Variants in FGGY observed in about 807,000 individuals in gnomAD.
FGGY encodes FGGY carbohydrate kinase domain-containing protein.
A neutral mutation model predicts 71.3 loss-of-function variants in FGGY; 72 were observed. That is an observed-to-expected ratio of 1.01 (90% confidence interval 0.84 to 1.23). The LOEUF is 1.23. Ranked by LOEUF, FGGY falls within the 50% of genes most tolerant of loss-of-function variation. The pLI, the probability that FGGY is intolerant of heterozygous loss-of-function variation, is 0.00. For missense variants in FGGY, 668 were observed against 682.3 expected, an observed-to-expected ratio of 0.98 and a Z score of 0.23; for synonymous variants, 251 against 250.3, an observed-to-expected ratio of 1.00 and a Z score of -0.02.
chr1:59,544,273 T>G (rs2095488659), intron 7 of FGGY, among the ~76,000 whole-genome samples: 1 of 152,206 alleles, frequency 6.6e-6, no homozygotes, highest in Non-Finnish European at 1.5e-5. Flanking sequence ...TTAGGCTTGA[T>G]GAAGAGTAGA....
chr1:59,553,279 T>A (rs2095637141), intron 7 of FGGY, among the ~76,000 whole-genome samples: 1 of 152,232 alleles, frequency 6.6e-6, no homozygotes, highest in African/African-American at 2.4e-5. Flanking sequence ...CAAGTCTGCG[T>A]GTTTGTGGCT....
intron 2 of FGGY, among the ~76,000 whole-genome samples, chr1:59,330,300 G>T (rs951884074): frequency 1.3e-5 from 2 of 152,126 alleles, no homozygotes; most frequent in African/African-American, 4.8e-5. Context: ...TAAAAAAAAT[G>T]AAGGGTCAAA....
intron 6 of FGGY, among the ~76,000 whole-genome samples, chr1:59,473,094 C>T (rs1046088190): frequency 8.5e-5 from 13 of 152,150 alleles, no homozygotes; most frequent in Non-Finnish European, 1.9e-4. Context: ...ACTCGGGTCC[C>T]CTTCCACACT....
At chr1:59,689,342 C>T (rs749493736) in intron 14 of FGGY, among the ~76,000 whole-genome samples, 10 of 152,114 alleles carry the variant, frequency 6.6e-5, no homozygotes, top group South Asian at 4.2e-4. Flanking sequence ...ACAGACAGAA[C>T]GGAGATCAAC....
At chr1:59,534,581 G>A (rs1570822829) in intron 7 of FGGY, among the ~76,000 whole-genome samples, 1 of 152,184 alleles carries the variant, frequency 6.6e-6, no homozygotes, top group Non-Finnish European at 1.5e-5. Context: ...CAGCCAGAGA[G>A]AAAGGTAGGG....
rs2096637964 is a variant in FGGY, at chr1:59,607,836, TG to T, written c.942del (p.Pro315LeufsTer12). ...AGACCCGATTTTTGTACCAGGCGTCTGGGGGCCTTATTTCTCAGCCATGGTA... is the reference window on the plus strand; with the variant it reads ...AGACCCGATTTTTGTACCAGGCGTCTGGGGCCTTATTTCTCAGCCATGGTA... ...SKDPIFVPGVWGPYFSAMVPG... is the reference protein window; with the variant it reads ...SKDPIFVPGVXGPYFSAMVPG... On this transcript the variant is annotated frameshift_variant, in exon 9 of 16. Coordinates refer to ENST00000303721, the MANE Select transcript of FGGY (RefSeq NM_018291.5). LOFTEE classifies it high-confidence loss of function. The T allele has an allele frequency of 6.2e-7, 1 of 1,614,102 alleles. No homozygotes were observed. Among genetic ancestry groups the T allele is most frequent in the Non-Finnish European group, 8.5e-7 (1 of 1,179,982 alleles).
At chr1:59,576,661 G>T (rs1208645030) in intron 8 of FGGY, among the ~76,000 whole-genome samples, 12 of 134,748 alleles carry the variant, frequency 8.9e-5, no homozygotes, top group African/African-American at 2.5e-4. Flanking sequence ...ATTACAGACA[G>T]ACAGACAGAC....
intron 4 of FGGY, among the ~76,000 whole-genome samples, chr1:59,357,440 A>G (rs988566011): frequency 2.0e-5 from 3 of 152,186 alleles, no homozygotes; most frequent in African/African-American, 7.2e-5. Context: ...AAATATTACT[A>G]CTTCTCACAT....
intron 5 of FGGY, among the ~76,000 whole-genome samples, chr1:59,418,264 T>G (rs566072936): frequency 6.6e-6 from 1 of 152,224 alleles, no homozygotes; most frequent in South Asian, 2.1e-4. Context: ...TAGTAAATAT[T>G]TTGGCTTTGC....
chr1:59,460,106 C>T (rs748090801), intron 6 of FGGY, among the ~76,000 whole-genome samples: 14 of 152,024 alleles, frequency 9.2e-5, no homozygotes, highest in East Asian at 1.9e-4. Flanking sequence ...TTCCTCGACC[C>T]GGGAAGCACA....
chr1:59,477,213 A>G (rs1463761763), intron 6 of FGGY, among the ~76,000 whole-genome samples: 1 of 152,166 alleles, frequency 6.6e-6, no homozygotes, highest in East Asian at 1.9e-4. Context: ...TCTTGGTCAC[A>G]CAGCTATCAG....
chr1:59,344,299 T>TG (rs1557615354), intron 3 of FGGY, among the ~76,000 whole-genome samples: 1 of 150,068 alleles, frequency 6.7e-6, no homozygotes, highest in Non-Finnish European at 1.5e-5. Context: ...ATTGGCTTTT[T>TG]TTGTTGTTTT....
chr1:59,315,056 C>T (rs1325429658), intron 1 of FGGY, among the ~76,000 whole-genome samples: 1 of 152,116 alleles, frequency 6.6e-6, no homozygotes, highest in African/African-American at 2.4e-5. Context: ...TGAGGTCTCT[C>T]CAGTTGGTGA....
intron 9 of FGGY, among the ~76,000 whole-genome samples, chr1:59,612,261 C>T (rs2096692505): frequency 6.6e-6 from 1 of 152,174 alleles, no homozygotes; most frequent in African/African-American, 2.4e-5. Flanking sequence ...GTTGGGTTAC[C>T]CACAAAAGGA....
At chr1:59,693,836 G>A (rs531172208) in intron 14 of FGGY, among the ~76,000 whole-genome samples, 1 of 152,054 alleles carries the variant, frequency 6.6e-6, no homozygotes, top group Non-Finnish European at 1.5e-5. Context: ...GTGAAAACCT[G>A]TCACTACAAA....
intron 14 of FGGY, among the ~76,000 whole-genome samples, chr1:59,756,794 A>AAATCAGTC (rs1336301444): frequency 3.3e-5 from 5 of 152,178 alleles, no homozygotes; most frequent in African/African-American, 1.2e-4. Context: ...AGTGGCATGC[A>AAATCAGTC]AATCAGTCAA....
intron 5 of FGGY, among the ~76,000 whole-genome samples, chr1:59,401,216 A>G (rs1557805912): frequency 6.6e-6 from 1 of 152,204 alleles, no homozygotes; most frequent in Non-Finnish European, 1.5e-5. Context: ...GTCAGCATTG[A>G]TAACATTTTT....
At chr1:59,391,741 C>T (rs1204016565) in intron 5 of FGGY, among the ~76,000 whole-genome samples, 5 of 152,298 alleles carry the variant, frequency 3.3e-5, no homozygotes, top group South Asian at 2.1e-4. Context: ...GAAAGATGAT[C>T]TCTAGCATGA....
At chr1:59,502,782 T>G (rs1264011683) in intron 6 of FGGY, among the ~76,000 whole-genome samples, 1 of 152,214 alleles carries the variant, frequency 6.6e-6, no homozygotes, top group African/African-American at 2.4e-5. Context: ...TGGGTTCAGT[T>G]TTCTCTACTG....
Sources: gnomAD v4.1 joint callset for allele counts (sites outside exome capture counted in the v4.1 genomes callset) on GRCh38, gnomAD v4.1.1 for gene constraint, MANE v1.5 for transcripts, NCBI Gene and HGNC (gene_info 2026-07-23, HGNC 2026-07-21) for gene names.